FANK1: variants seen among roughly 807,000 people sequenced by gnomAD.
FANK1 encodes fibronectin type 3 and ankyrin repeat domains protein 1.
Under a neutral mutation model 45.3 loss-of-function variants are expected in FANK1, and 44 were observed. The observed-to-expected ratio is 0.97, with a 90% confidence interval of 0.76 to 1.25. FANK1 has a LOEUF of 1.25. Ranked by LOEUF, FANK1 falls within the 50% of genes most tolerant of loss-of-function variation. FANK1 has a pLI of 0.00. For synonymous variants in FANK1, 149 were observed against 152.5 expected (o/e 0.98, Z 0.17); for missense variants, 391 against 424.4 (o/e 0.92, Z 0.69).
chr10:125,899,212 C>T (rs1180255616), intron 1 of FANK1, among the ~76,000 whole-genome samples: 1 of 152,264 alleles, frequency 6.6e-6, no homozygotes, highest in African/African-American at 2.4e-5. Flanking sequence ...AGGCATGCGC[C>T]ACCATGCCTG....
chr10:125,959,308 G>A (rs898050669), intron 1 of FANK1, among the ~76,000 whole-genome samples: 1 of 150,914 alleles, frequency 6.6e-6, no homozygotes, highest in Non-Finnish European at 1.5e-5. Context: ...CAGTTACTTG[G>A]GAGGCTGAGG....
At chr10:125,964,466 C>T (rs117681438) in intron 1 of FANK1, among the ~76,000 whole-genome samples, 1 of 152,226 alleles carries the variant, frequency 6.6e-6, no homozygotes, top group East Asian at 1.9e-4. Flanking sequence ...GTGCTGGAAT[C>T]ACAGGTGTGA....
chr10:126,000,620 C>A (rs1380493806), intron 6 of FANK1, among the ~76,000 whole-genome samples: 1 of 151,770 alleles, frequency 6.6e-6, no homozygotes, highest in Non-Finnish European at 1.5e-5. Context: ...TAAAAAATGA[C>A]CAGAAAACAC....
At chr10:125,994,774 C>T (rs1158540864) in intron 3 of FANK1, 1 of 985,206 alleles carries the variant, frequency 1.0e-6, no homozygotes, top group East Asian at 1.1e-4. Flanking sequence ...GAGCTGATGT[C>T]CCCTGTACAA....
At chr10:126,000,497 G>C (rs1402908446) in intron 6 of FANK1, among the ~76,000 whole-genome samples, 2 of 152,140 alleles carry the variant, frequency 1.3e-5, no homozygotes, top group African/African-American at 4.8e-5. Context: ...ATTGAGGAAG[G>C]TATTGGAAAA....
chr10:125,898,294 T>G (rs3952682), intron 1 of FANK1, among the ~76,000 whole-genome samples: 1 of 152,188 alleles, frequency 6.6e-6, no homozygotes, highest in Non-Finnish European at 1.5e-5. Context: ...CATTCATTTA[T>G]AGTGCCTGTT....
intron 3 of FANK1, among the ~76,000 whole-genome samples, chr10:125,991,492 C>T (rs758124996): frequency 1.9e-4 from 29 of 152,248 alleles, no homozygotes; most frequent in Non-Finnish European, 3.5e-4. Context: ...GCAGATTCTC[C>T]TAAGGAGGCA....
rs12411761 is a variant in FANK1, at chr10:125,897,540, T to C, written c.13+885T>C. The stretch of plus-strand genomic sequence containing the variant: ...GTCTTATCTTGTACAATTTCAGAAA[T>C]GAAGAACTCAGACCAAATCTATTCT... On this transcript the variant is annotated intron_variant, in intron 1 of 10. Transcript: ENST00000368693. Among the ~76,000 whole-genome samples the C allele has an allele frequency of 4.4e-3, 676 of 152,346 alleles. 6 individuals carry two copies. In the East Asian group the frequency reaches 0.089, roughly 20 times the overall value.
chr10:125,908,445 A>G (rs1169441852), intron 1 of FANK1, among the ~76,000 whole-genome samples: 1 of 152,250 alleles, frequency 6.6e-6, no homozygotes, highest in Non-Finnish European at 1.5e-5. Context: ...AAATAATGGC[A>G]TTTGCAGCAA....
At chr10:125,996,274 G>C (rs533548764) in intron 4 of FANK1, among the ~76,000 whole-genome samples, 1 of 152,220 alleles carries the variant, frequency 6.6e-6, no homozygotes, top group East Asian at 1.9e-4. Context: ...TGCTTTATCC[G>C]ATGGCCTCAT....
chr10:125,942,403 A>G (rs935127886), intron 1 of FANK1, among the ~76,000 whole-genome samples: 2 of 152,254 alleles, frequency 1.3e-5, no homozygotes, highest in African/African-American at 4.8e-5. Context: ...TTATTCTTAT[A>G]AAGATGTCAA....
At chr10:125,963,393 T>C (rs146990809) in intron 1 of FANK1, among the ~76,000 whole-genome samples, 3,381 of 152,310 alleles carry the variant, frequency 0.022, 136 homozygotes, top group African/African-American at 0.076. Context: ...ATCCCATTAC[T>C]GGGTATCTAC....
At chr10:125,970,271 C>T (rs1054024465) in intron 1 of FANK1, among the ~76,000 whole-genome samples, 6 of 151,244 alleles carry the variant, frequency 4.0e-5, no homozygotes, top group East Asian at 3.9e-4. Flanking sequence ...CCAGATGGGG[C>T]GGCTGCTGGG....
chr10:125,912,443 A>AGTGT (rs60956003), intron 1 of FANK1, among the ~76,000 whole-genome samples: 388 of 147,276 alleles, frequency 2.6e-3, no homozygotes, highest in African/African-American at 5.5e-3. Context: ...GCACCACCAA[A>AGTGT]GTGTGTGTGT....
chr10:125,928,562 A>G (rs1415191050), intron 1 of FANK1, among the ~76,000 whole-genome samples: 1 of 152,116 alleles, frequency 6.6e-6, no homozygotes, highest in Non-Finnish European at 1.5e-5. Flanking sequence ...CCCAGCTCCT[A>G]TTCAAGATGG....
intron 1 of FANK1, among the ~76,000 whole-genome samples, chr10:125,912,850 G>A (rs201201180): frequency 6.6e-6 from 1 of 152,190 alleles, no homozygotes; most frequent in African/African-American, 2.4e-5. Flanking sequence ...GGCCAGGCAA[G>A]TCTCAAACTC....
At chr10:125,994,528 G>A (rs1952173666) in intron 3 of FANK1, 2 of 985,438 alleles carry the variant, frequency 2.0e-6, no homozygotes, top group African/African-American at 3.5e-5. Context: ...GGTAGCTGCT[G>A]TACTGTCACC....
intron 1 of FANK1, among the ~76,000 whole-genome samples, chr10:125,951,381 G>A (rs1457579438): frequency 6.6e-6 from 1 of 152,026 alleles, no homozygotes; most frequent in East Asian, 1.9e-4. Context: ...TTGATTCTCT[G>A]TAAATAGGAA....
rs141007393 is a variant in FANK1 at position 125,995,446 on chromosome 10, C to T, written c.346C>T (p.Arg116Trp). 1.7e-5 allele frequency: 27 copies of T among 1,613,990 alleles called. No individual in the cohort carries two copies. The highest frequency in any genetic ancestry group is 5.0e-5 in the Admixed American group (3 of 59,978). The change falls in exon 4 of 11, where the codon CGG becomes TGG. Residue 116 changes from arginine (R) to tryptophan (W), a missense_variant. Physicochemically the swap from Arg to Trp is moderately radical, Grantham distance 101. Coordinates refer to ENST00000368693, the MANE Select transcript of FANK1 (RefSeq NM_145235.5). Reference protein sequence around the residue: ...REPISSEHLHRAVSVNDEDLL... With the variant: ...REPISSEHLHWAVSVNDEDLL... ...GCCCATAAGTAGTGAGCACTTGCAC[C>T]GGGCTGTCAGTGTGAATGATGAAGA...
Sources: allele counts gnomAD v4.1 joint callset (sites outside exome capture counted in the v4.1 genomes callset), GRCh38; gene constraint gnomAD v4.1.1; transcripts MANE v1.5; gene names NCBI Gene and HGNC (gene_info 2026-07-23, HGNC 2026-07-21).